The following NAALADL2 variants were observed in gnomAD, a reference collection of about 807,000 sequenced individuals.
NAALADL2 encodes N-acetylated alpha-linked acidic dipeptidase like 2.
Under a neutral mutation model 87.2 loss-of-function variants are expected in NAALADL2, and 76 were observed. That is an observed-to-expected ratio of 0.87 (90% confidence interval 0.72 to 1.05). NAALADL2 has a LOEUF of 1.05. Ranked by LOEUF, NAALADL2 falls within the 50% of genes least tolerant of loss-of-function variation. The probability of loss-of-function intolerance (pLI) is 0.00; values close to 1 mark genes in which losing one functional copy is unlikely to be tolerated. For synonymous variants in NAALADL2, 354 were observed against 331.0 expected, an observed-to-expected ratio of 1.07 and a Z score of -0.75; for missense variants, 1,089 against 945.8, an observed-to-expected ratio of 1.15 and a Z score of -1.99.
chr3:175,283,686 C>G (rs1754612297), intron 4 of NAALADL2, among the ~76,000 whole-genome samples: 1 of 152,110 alleles, frequency 6.6e-6, no homozygotes, highest in South Asian at 2.1e-4. Flanking sequence ...CTTATGTGCT[C>G]AAGGGATGAG....
At chr3:175,747,479 A>G (rs564506311) in intron 12 of NAALADL2, among the ~76,000 whole-genome samples, 1 of 152,260 alleles carries the variant, frequency 6.6e-6, no homozygotes, top group Admixed American at 6.5e-5. Flanking sequence ...CCCTGTGCCC[A>G]TGACAGAATA....
chr3:175,087,319 G>C (rs182272964), intron 1 of NAALADL2, among the ~76,000 whole-genome samples: 1 of 152,320 alleles, frequency 6.6e-6, no homozygotes, highest in Admixed American at 6.5e-5. Context: ...TGCCCCTTCC[G>C]GGAAGGAGGT....
intron 1 of NAALADL2, among the ~76,000 whole-genome samples, chr3:175,081,641 C>G (rs1447540279): frequency 6.6e-6 from 1 of 152,086 alleles, no homozygotes; most frequent in Admixed American, 6.5e-5. Context: ...ATATTCCCAC[C>G]AGCTCTTCTT....
rs771622311 is a variant in NAALADL2 at position 174,494,190 on chromosome 3, C to T, written c.-184+53158C>T. Among the ~76,000 whole-genome samples the T allele has an allele frequency of 8.3e-4, 126 of 152,010 alleles. 1 individual carries two copies. Among genetic ancestry groups the T allele is most frequent in the Non-Finnish European group, 9.1e-4 (62 of 67,988 alleles). ...GAGCCTGTTGGGAAATGTTAGGTGT[C>T]GCTTGGAGATGAGAACCAAAAGACT... On this transcript the variant is annotated intron_variant, in intron 1 of 3. Transcript: ENST00000434257.
intron 11 of NAALADL2, among the ~76,000 whole-genome samples, chr3:175,639,502 A>G (rs1226992599): frequency 6.6e-6 from 1 of 151,648 alleles, no homozygotes; most frequent in African/African-American, 2.4e-5. Flanking sequence ...TTGTATTTTT[A>G]GTAGATACGG....
intron 5 of NAALADL2, among the ~76,000 whole-genome samples, chr3:175,418,704 A>G (rs556715823): frequency 4.4e-4 from 67 of 152,220 alleles, no homozygotes; most frequent in Admixed American, 4.3e-3. Context: ...AGTGAAGTCA[A>G]TGACAATAAT....
chr3:175,467,544 A>G (rs1035192512), intron 8 of NAALADL2, among the ~76,000 whole-genome samples: 2 of 152,220 alleles, frequency 1.3e-5, no homozygotes, highest in Non-Finnish European at 2.9e-5. Flanking sequence ...CTTTCTAGGA[A>G]TGATCTGGAA....
chr3:175,656,729 G>A (rs1476478406), intron 11 of NAALADL2, among the ~76,000 whole-genome samples: 2 of 150,406 alleles, frequency 1.3e-5, no homozygotes, highest in African/African-American at 5.0e-5. Flanking sequence ...GTATGTGTGT[G>A]TGTGTGTGTA....
At chr3:174,568,708 T>G (rs984750236) in intron 2 of NAALADL2, among the ~76,000 whole-genome samples, 10 of 151,806 alleles carry the variant, frequency 6.6e-5, no homozygotes, top group African/African-American at 2.4e-4. Flanking sequence ...ACTGAGACTG[T>G]AAGTCCATAT....
chr3:175,485,998 C>T (rs939830140), intron 9 of NAALADL2, among the ~76,000 whole-genome samples: 6 of 152,018 alleles, frequency 3.9e-5, no homozygotes, highest in Non-Finnish European at 4.4e-5. Context: ...ATGTTGGCAC[C>T]CTGATTTCAG....
intron 1 of NAALADL2, among the ~76,000 whole-genome samples, chr3:174,883,996 C>T (rs1320010890): frequency 6.6e-6 from 1 of 152,162 alleles, no homozygotes; most frequent in Non-Finnish European, 1.5e-5. Flanking sequence ...CCAGCCAATA[C>T]TGTAACTCCC....
chr3:174,527,891 A>G (rs1426331255), intron 1 of NAALADL2, among the ~76,000 whole-genome samples: 1 of 152,262 alleles, frequency 6.6e-6, no homozygotes, highest in East Asian at 1.9e-4. Flanking sequence ...TTTGAAAGTG[A>G]TGAACTAGAC....
chr3:174,994,305 G>A (rs770087222), intron 1 of NAALADL2, among the ~76,000 whole-genome samples: 2 of 152,162 alleles, frequency 1.3e-5, no homozygotes, highest in Non-Finnish European at 2.9e-5. Flanking sequence ...AGAGGGATGT[G>A]AGGGTTCTCA....
At chr3:175,435,732 TG>T (rs1402901002) in intron 5 of NAALADL2, among the ~76,000 whole-genome samples, 1 of 152,018 alleles carries the variant, frequency 6.6e-6, no homozygotes, top group East Asian at 1.9e-4. Flanking sequence ...TTTTTAATCA[TG>T]GGGAAAGTTT....
intron 5 of NAALADL2, among the ~76,000 whole-genome samples, chr3:175,432,780 C>T (rs991424006): frequency 1.3e-5 from 2 of 152,044 alleles, no homozygotes; most frequent in Admixed American, 1.3e-4. Flanking sequence ...TTCTTATTTT[C>T]CCATGAAGAG....
At chr3:175,380,320 G>C (rs528022311) in intron 5 of NAALADL2, among the ~76,000 whole-genome samples, 1 of 152,234 alleles carries the variant, frequency 6.6e-6, no homozygotes, top group Admixed American at 6.5e-5. Flanking sequence ...CATTTTGAAA[G>C]AATGTCTGTG....
intron 2 of NAALADL2, among the ~76,000 whole-genome samples, chr3:174,713,797 T>G (rs1182522755): frequency 6.6e-6 from 1 of 151,870 alleles, no homozygotes; most frequent in Non-Finnish European, 1.5e-5. Flanking sequence ...AGAAGCTCTT[T>G]AGTTGAATTA....
intron 13 of NAALADL2, among the ~76,000 whole-genome samples, chr3:175,779,711 A>G (rs1204743903): frequency 6.6e-6 from 1 of 152,218 alleles, no homozygotes; most frequent in East Asian, 1.9e-4. Flanking sequence ...AATGAAGAGT[A>G]TGGTAACTTG....
At chr3:175,209,563 A>G (rs941654619) in intron 2 of NAALADL2, among the ~76,000 whole-genome samples, 5 of 152,080 alleles carry the variant, frequency 3.3e-5, no homozygotes, top group Admixed American at 1.3e-4. Context: ...AATGTTAATC[A>G]TAGGAAAATT....
Sources: allele counts gnomAD v4.1 joint callset (sites outside exome capture counted in the v4.1 genomes callset), GRCh38; gene constraint gnomAD v4.1.1; transcripts MANE v1.5; gene names NCBI Gene and HGNC (gene_info 2026-07-23, HGNC 2026-07-21).